Variants in HSF2 observed in about 807,000 individuals in gnomAD.
HSF2 encodes the protein heat shock factor protein 2.
In HSF2, 21 loss-of-function variants were observed where a neutral mutation model predicts 65.0. The observed-to-expected ratio is 0.32, with a 90% confidence interval of 0.23 to 0.47. The LOEUF (loss-of-function observed/expected upper bound fraction) is 0.47. Among genes scored for constraint, HSF2 ranks in the 20% least tolerant of loss-of-function variants. HSF2 has a pLI of 1.00. For synonymous variants in HSF2, 225 were observed against 219.1 expected (o/e 1.03, Z -0.24); for missense variants, 499 against 628.1 (o/e 0.79, Z 2.20).
chr6:122,422,907 A>C lies in HSF2; in HGVS notation c.1020A>C (p.Pro340=). Reference sequence around the variant, plus strand: ...CATCCAGTCTGACCTCAGAAGATCCAGTGACCATGATGGATTCCATTTTGA... The same window carrying C: ...CATCCAGTCTGACCTCAGAAGATCCCGTGACCATGATGGATTCCATTTTGA... ...NGSSSLTSED[P]VTMMDSILND... The change falls in exon 9 of 13, where the codon CCA becomes CCC. Residue 340 remains proline, a synonymous_variant. Transcript: ENST00000368455. 1 of 1,613,610 alleles carries C rather than the reference A, an allele frequency of 6.2e-7. No homozygotes were observed. Among genetic ancestry groups the C allele is most frequent in the Non-Finnish European group, 8.5e-7 (1 of 1,179,658 alleles).
At chr6:122,411,896 G>A (rs964075184) in intron 1 of HSF2, among the ~76,000 whole-genome samples, 13 of 151,858 alleles carry the variant, frequency 8.6e-5, no homozygotes, top group South Asian at 2.1e-4. Flanking sequence ...TAGTAACCAC[G>A]TATCTTACTG....
At chr6:122,420,888 A>T (rs9375135) in intron 7 of HSF2, among the ~76,000 whole-genome samples, 21,234 of 149,462 alleles carry the variant, frequency 0.14, 1,588 homozygotes, top group East Asian at 0.26. Flanking sequence ...ATTTTTGTAT[A>T]TTTTGTAGTG....
chr6:122,419,365 T>C (rs899413722), intron 6 of HSF2, 136 bp downstream of exon 6: 1 of 512,720 alleles, frequency 2.0e-6, no homozygotes, highest in Non-Finnish European at 3.5e-6. Context: ...TAAATTATAC[T>C]CTTAAAATCT....
chr6:122,415,892 C>G (rs1222857921), intron 4 of HSF2, among the ~76,000 whole-genome samples: 2 of 152,118 alleles, frequency 1.3e-5, no homozygotes, highest in African/African-American at 4.8e-5. Flanking sequence ...TGGCACATGC[C>G]TGTAATCCCA....
chr6:122,429,148 A>G (rs1402097784), intron 11 of HSF2, among the ~76,000 whole-genome samples: 1 of 152,076 alleles, frequency 6.6e-6, no homozygotes, highest in African/African-American at 2.4e-5. Context: ...TTATATTACA[A>G]GATTTTATAT....
At chr6:122,428,068 AC>A in intron 11 of HSF2, 112 bp downstream of exon 11, 2 of 606,774 alleles carry the variant, frequency 3.3e-6, no homozygotes, top group Non-Finnish European at 5.8e-6. Context: ...TTATATTCTT[AC>A]CCAGTATGTG....
At chr6:122,400,863 T>G (rs1246619491) in intron 1 of HSF2, among the ~76,000 whole-genome samples, 1 of 152,214 alleles carries the variant, frequency 6.6e-6, no homozygotes, top group African/African-American at 2.4e-5. Flanking sequence ...TTGAGAAGAA[T>G]AAGTGAAAAC....
At position 122,422,895 on chromosome 6, in the gene HSF2, C is replaced by T. The variant is rs1217731496; in HGVS notation, c.1008C>T (p.Thr336=). 3.1e-6 allele frequency: 5 copies of T among 1,613,592 alleles called. No homozygotes were observed. Among genetic ancestry groups the T allele is most frequent in the Middle Eastern group, 1.7e-4 (1 of 6,060 alleles). The part of the protein sequence containing the change: ...AVQLNGSSSL[T]SEDPVTMMDS... ...AGCTAAATGGCTCATCCAGTCTGAC[C>T]TCAGAAGATCCAGTGACCATGATGG... The change falls in exon 9 of 13, where the codon ACC becomes ACT. Residue 336 remains threonine (T), a synonymous_variant. Coordinates refer to ENST00000368455, the MANE Select transcript of HSF2 (RefSeq NM_004506.4).
chr6:122,401,559 G>T (rs892586695), intron 1 of HSF2, among the ~76,000 whole-genome samples: 3 of 152,118 alleles, frequency 2.0e-5, no homozygotes, highest in Non-Finnish European at 4.4e-5. Flanking sequence ...GGAGAGTTTC[G>T]TACTGATCCG....
Position 122,432,706 on chromosome 6 carries a change from C to G in HSF2, c.*486C>G, listed in dbSNP as rs1476007173. The G allele has an allele frequency of 6.5e-6, 1 of 153,688 alleles. No individual in the cohort carries two copies. Among genetic ancestry groups the G allele is most frequent in the Middle Eastern group, 3.4e-3 (1 of 292 alleles). The allele number at this position is 153,688 out of a possible 1,614,324, so 9.5% of individuals were successfully genotyped here. On this transcript the variant is annotated 3_prime_UTR_variant, in exon 13 of 13. Coordinates refer to ENST00000368455, the MANE Select transcript of HSF2 (RefSeq NM_004506.4). ...AAAGTGCCTGTATCTTGTAAAACTT[C>G]ATTTGTTTCTTTTGGTTCAGAGAAG...
In HSF2 at chr6:122,432,157, G is replaced by T; in HGVS notation, c.1548G>T (p.Leu516=). 1 of 1,614,056 alleles carries T rather than the reference G, an allele frequency of 6.2e-7. No individual in the cohort carries two copies. Among genetic ancestry groups the T allele is most frequent in the Non-Finnish European group, 8.5e-7 (1 of 1,179,956 alleles). The part of the protein sequence containing the change: ...LTEAEASEAT[L]FYLCELAPAP... The stretch of plus-strand genomic sequence containing the variant: ...AAGCTGAAGCTAGTGAAGCTACACT[G>T]TTTTATTTATGTGAACTTGCTCCTG... The change falls in exon 13 of 13, where the codon CTG becomes CTT. Residue 516 remains leucine (L), a synonymous_variant. Coordinates refer to ENST00000368455, the MANE Select transcript of HSF2 (RefSeq NM_004506.4).
intron 10 of HSF2, among the ~76,000 whole-genome samples, 165 bp from the exon 11 acceptor site, chr6:122,427,738 T>G (rs1463457107): frequency 6.6e-6 from 1 of 152,118 alleles, no homozygotes; most frequent in African/African-American, 2.4e-5. Context: ...TCTGCTTTTG[T>G]TTGTTTTTCT....
chr6:122,422,594 G>A (rs748273434), intron 8 of HSF2, 124 bp from the exon 9 acceptor site: 169 of 982,710 alleles, frequency 1.7e-4, no homozygotes, highest in Non-Finnish European at 1.6e-4. Context: ...TAAGCTGCTC[G>A]CTCAAGAAAT....
intron 5 of HSF2, among the ~76,000 whole-genome samples, chr6:122,418,666 A>G (rs1774173220): frequency 6.6e-6 from 1 of 152,082 alleles, no homozygotes; most frequent in Non-Finnish European, 1.5e-5. Flanking sequence ...GAAATGGAGC[A>G]TCACGATGTT....
chr6:122,412,014 A>G (rs1011591321), intron 1 of HSF2, among the ~76,000 whole-genome samples: 1 of 150,152 alleles, frequency 6.7e-6, no homozygotes, highest in Non-Finnish European at 1.5e-5. Context: ...TTTTTTTTTT[A>G]TTTTGGTCTT....
chr6:122,413,314 TA>T (rs1003482883), intron 3 of HSF2, among the ~76,000 whole-genome samples: 1 of 79,802 alleles, frequency 1.3e-5, no homozygotes, highest in Non-Finnish European at 2.7e-5. Context: ...TTTTTAACAT[TA>T]AAAAAAAATT....
At chr6:122,399,975 G>A in intron 1 of HSF2, 145 bp downstream of exon 1, 1 of 677,866 alleles carries the variant, frequency 1.5e-6, no homozygotes, top group East Asian at 3.0e-5. Flanking sequence ...GCCTCGCGGG[G>A]GACCCCCTGT....
At chr6:122,414,538 T>C (rs112141233) in intron 4 of HSF2, among the ~76,000 whole-genome samples, 5 of 152,316 alleles carry the variant, frequency 3.3e-5, no homozygotes, top group African/African-American at 1.2e-4. Context: ...TTGACCCAGT[T>C]CCTTGGGACC....
At chr6:122,422,072 A>T in intron 7 of HSF2, 78 bp from the exon 8 acceptor site, 1 of 965,172 alleles carries the variant, frequency 1.0e-6, no homozygotes, top group South Asian at 1.5e-5. Flanking sequence ...GTAGTTGCCT[A>T]GTTATTTTGT....
Sources: gnomAD v4.1 joint callset for allele counts (sites outside exome capture counted in the v4.1 genomes callset) on GRCh38, gnomAD v4.1.1 for gene constraint, MANE v1.5 for transcripts, NCBI Gene and HGNC (gene_info 2026-07-23, HGNC 2026-07-21) for gene names.